Variants in R3HDM1 observed in about 807,000 individuals in gnomAD.
The protein encoded by R3HDM1 is R3H domain-containing protein 1.
Under a neutral mutation model 141.1 loss-of-function variants are expected in R3HDM1, and 46 were observed. The ratio of observed to expected loss-of-function variants is 0.33; its 90% CI spans 0.26 to 0.42. The LOEUF (loss-of-function observed/expected upper bound fraction) is 0.42, where lower values mean the gene tolerates loss of function less well. R3HDM1 is among the 10% of genes least tolerant of loss of function. The pLI, the probability that R3HDM1 is intolerant of heterozygous loss-of-function variation, is 1.00. For synonymous variants in R3HDM1, 435 were observed against 472.9 expected, an observed-to-expected ratio of 0.92 and a Z score of 1.04; for missense variants, 1,184 against 1,368.3, an observed-to-expected ratio of 0.87 and a Z score of 2.12.
chr2:135,690,291 C>T (rs986768396), intron 21 of R3HDM1, among the ~76,000 whole-genome samples: 5 of 152,106 alleles, frequency 3.3e-5, no homozygotes, highest in South Asian at 2.1e-4. Context: ...ATAAGTCTGT[C>T]GATCTGAACT....
chr2:135,667,565 C>A (rs1483345831), intron 19 of R3HDM1: 5 of 835,622 alleles, frequency 6.0e-6, no homozygotes, highest in Non-Finnish European at 7.2e-6. Flanking sequence ...AGATGTATCA[C>A]AGGAAGAATT....
At chr2:135,715,384 A>G (rs1481776387) in intron 23 of R3HDM1, among the ~76,000 whole-genome samples, 166 bp from the exon 24 acceptor site, 2 of 152,218 alleles carry the variant, frequency 1.3e-5, no homozygotes, top group Non-Finnish European at 2.9e-5. Context: ...AAAAAAAGAA[A>G]AAAAAGAAAC....
intron 4 of R3HDM1, 57 bp from the exon 5 acceptor site, chr2:135,616,611 T>G: frequency 7.2e-7 from 1 of 1,398,470 alleles, no homozygotes; most frequent in Non-Finnish European, 9.9e-7. Context: ...CTAGGGGGCT[T>G]TTGGATATGC....
chr2:135,564,809 C>A (rs958906845), intron 1 of R3HDM1, among the ~76,000 whole-genome samples: 4 of 152,182 alleles, frequency 2.6e-5, no homozygotes, highest in African/African-American at 9.7e-5. Context: ...CAATAAATTA[C>A]TATTTACTGT....
intron 18 of R3HDM1, among the ~76,000 whole-genome samples, chr2:135,657,990 C>A (rs2066142421): frequency 6.6e-6 from 1 of 152,010 alleles, no homozygotes; most frequent in Admixed American, 6.5e-5. Context: ...ATGGTGTAGC[C>A]CTCTACACAC....
intron 1 of R3HDM1, chr2:135,536,804 C>A: frequency 1.3e-6 from 1 of 753,484 alleles, no homozygotes; most frequent in Non-Finnish European, 1.6e-6. Flanking sequence ...CGGTGAACAT[C>A]ACCACCTGAG....
intron 1 of R3HDM1, among the ~76,000 whole-genome samples, chr2:135,575,939 A>C (rs1247715721): frequency 6.6e-6 from 1 of 152,204 alleles, no homozygotes; most frequent in Non-Finnish European, 1.5e-5. Flanking sequence ...CCAGGAAGAA[A>C]CTGGAAAAGA....
chr2:135,646,381 C>T (rs1158562198), intron 16 of R3HDM1, among the ~76,000 whole-genome samples: 2 of 151,208 alleles, frequency 1.3e-5, no homozygotes, highest in Non-Finnish European at 2.9e-5. Context: ...GTGATCCACC[C>T]GCCTCGGCCT....
chr2:135,544,421 T>G (rs1348534438), intron 1 of R3HDM1, among the ~76,000 whole-genome samples: 1 of 152,254 alleles, frequency 6.6e-6, no homozygotes, highest in Non-Finnish European at 1.5e-5. Flanking sequence ...ATGAAAACTT[T>G]AGTTTTTTAT....
At chr2:135,717,756 A>G (rs1015336616) in intron 24 of R3HDM1, among the ~76,000 whole-genome samples, 3 of 152,260 alleles carry the variant, frequency 2.0e-5, no homozygotes, top group Non-Finnish European at 4.4e-5. Context: ...AAGAGTGTAC[A>G]GTGATGAAAC....
At chr2:135,668,689 C>A (rs887999663) in intron 19 of R3HDM1, among the ~76,000 whole-genome samples, 3 of 152,196 alleles carry the variant, frequency 2.0e-5, no homozygotes, top group Non-Finnish European at 2.9e-5. Flanking sequence ...AACTTCAAGA[C>A]TTCGCCCATA....
At chr2:135,616,246 G>T in intron 4 of R3HDM1, 53 bp downstream of exon 4, 1 of 1,510,926 alleles carries the variant, frequency 6.6e-7, no homozygotes, top group Non-Finnish European at 9.2e-7. Flanking sequence ...CTTCATGCTT[G>T]ATGAATCCTT....
At chr2:135,569,676 C>T (rs574822177) in intron 1 of R3HDM1, among the ~76,000 whole-genome samples, 77 of 151,888 alleles carry the variant, frequency 5.1e-4, no homozygotes, top group African/African-American at 1.7e-3. Flanking sequence ...TACAACTTGC[C>T]TCATAGGGAA....
intron 21 of R3HDM1, among the ~76,000 whole-genome samples, chr2:135,687,271 G>A (rs916703320): frequency 6.6e-6 from 1 of 152,126 alleles, no homozygotes; most frequent in African/African-American, 2.4e-5. Flanking sequence ...TGCAGGGAGG[G>A]GGAAGTGGAG....
chr2:135,561,039 G>A (rs1207903573), intron 1 of R3HDM1, among the ~76,000 whole-genome samples: 1 of 152,152 alleles, frequency 6.6e-6, no homozygotes, highest in Admixed American at 6.5e-5. Flanking sequence ...CAAATGTATG[G>A]TACAACCAAG....
intron 1 of R3HDM1, among the ~76,000 whole-genome samples, chr2:135,594,036 A>G (rs1709983643): frequency 6.6e-6 from 1 of 152,164 alleles, no homozygotes; most frequent in Non-Finnish European, 1.5e-5. Flanking sequence ...AGAATTTTCT[A>G]TGTACCAGCA....
rs560718174 is a variant in R3HDM1 at position 135,535,368 on chromosome 2, G to A, written c.-250+3735G>A. 1.5e-4 allele frequency among the ~76,000 whole-genome samples: 23 copies of A among 151,986 alleles called. No homozygotes were observed. In the South Asian group the frequency reaches 3.7e-3, roughly 25 times the overall value. On this transcript the variant is annotated intron_variant, in intron 1 of 26. Transcript: ENST00000683871. ...ACAAAAATTAGTAGGGCGTGTTGGC[G>A]GGTGCCTGTAGTCCCAGCTACTCGG...
chr2:135,553,635 G>A (rs769115341), intron 1 of R3HDM1, among the ~76,000 whole-genome samples: 12 of 152,210 alleles, frequency 7.9e-5, no homozygotes, highest in Admixed American at 4.6e-4. Flanking sequence ...CATGTTGAAA[G>A]TGGCCGATGT....
intron 24 of R3HDM1, among the ~76,000 whole-genome samples, chr2:135,716,097 C>T (rs1017428477): frequency 1.3e-5 from 2 of 152,134 alleles, no homozygotes; most frequent in African/African-American, 2.4e-5. Context: ...GAGGCCAATG[C>T]GGAAGGATCA....
Sources: allele counts gnomAD v4.1 joint callset (sites outside exome capture counted in the v4.1 genomes callset), GRCh38; gene constraint gnomAD v4.1.1; transcripts MANE v1.5; gene names NCBI Gene and HGNC (gene_info 2026-07-23, HGNC 2026-07-21).